Variants in MEIKIN observed in about 807,000 individuals in gnomAD.
The protein encoded by MEIKIN is meiosis-specific kinetochore protein.
chr5:131,813,855 G>C (rs1773050747), intron 12 of MEIKIN, among the ~76,000 whole-genome samples: 1 of 152,122 alleles, frequency 6.6e-6, no homozygotes, highest in Non-Finnish European at 1.5e-5. Flanking sequence ...ATAAAAGGGA[G>C]TTTATTAAGG....
chr5:131,927,672 A>G (rs1751609876), intron 5 of MEIKIN, among the ~76,000 whole-genome samples: 1 of 152,178 alleles, frequency 6.6e-6, no homozygotes, highest in African/African-American at 2.4e-5. Flanking sequence ...ATAACTGTAT[A>G]TCTTCCTGGT....
chr5:131,858,935 C>G (rs1400949802), intron 9 of MEIKIN, among the ~76,000 whole-genome samples: 1 of 152,112 alleles, frequency 6.6e-6, no homozygotes, highest in Non-Finnish European at 1.5e-5. Flanking sequence ...TAGATGCTAG[C>G]AAGATTGTGG....
At chr5:131,875,109 C>T (rs1316130266) in intron 9 of MEIKIN, among the ~76,000 whole-genome samples, 1 of 152,196 alleles carries the variant, frequency 6.6e-6, no homozygotes, top group South Asian at 2.1e-4. Context: ...TCTCTTACCA[C>T]TCCGATTCAA....
intron 12 of MEIKIN, among the ~76,000 whole-genome samples, chr5:131,810,166 A>G (rs1285806861): frequency 6.6e-6 from 1 of 152,164 alleles, no homozygotes; most frequent in Non-Finnish European, 1.5e-5. Context: ...CATTTGTCAT[A>G]TATCTGTGTG....
intron 8 of MEIKIN, among the ~76,000 whole-genome samples, chr5:131,905,108 A>T (rs781300401): frequency 1.3e-5 from 2 of 152,202 alleles, no homozygotes; most frequent in Admixed American, 6.5e-5. Flanking sequence ...CTGCACATGT[A>T]TCCCAGAACT....
At chr5:131,922,313 A>C (rs1286704910) in intron 5 of MEIKIN, among the ~76,000 whole-genome samples, 1 of 152,172 alleles carries the variant, frequency 6.6e-6, no homozygotes, top group Non-Finnish European at 1.5e-5. Context: ...ACATTTGTGG[A>C]TTCAACCAAC....
At chr5:131,893,808 T>G (rs1445374772) in intron 8 of MEIKIN, among the ~76,000 whole-genome samples, 1 of 152,178 alleles carries the variant, frequency 6.6e-6, no homozygotes, top group Non-Finnish European at 1.5e-5. Flanking sequence ...GTGCAAAAAT[T>G]TTCTCCCATT....
At chr5:131,879,768 C>T (rs1457604678) in intron 8 of MEIKIN, among the ~76,000 whole-genome samples, 2 of 152,206 alleles carry the variant, frequency 1.3e-5, no homozygotes, top group Non-Finnish European at 2.9e-5. Context: ...CAGGCTGGAA[C>T]ATTTCTAACC....
At chr5:131,918,078 A>C (rs958206760) in intron 6 of MEIKIN, among the ~76,000 whole-genome samples, 3 of 152,154 alleles carry the variant, frequency 2.0e-5, no homozygotes, top group African/African-American at 7.2e-5. Flanking sequence ...TTCAGTTCAA[A>C]TTGTTGGGAA....
intron 11 of MEIKIN, among the ~76,000 whole-genome samples, chr5:131,831,652 GTA>G (rs1749716829): frequency 6.6e-6 from 1 of 152,136 alleles, no homozygotes; most frequent in African/African-American, 2.4e-5. Context: ...GATTGTAACT[GTA>G]TTAGTCTGTT....
At chr5:131,818,707 CA>C (rs1367724189) in intron 12 of MEIKIN, 32 bp downstream of exon 12, 1 of 395,806 alleles carries the variant, frequency 2.5e-6, no homozygotes, top group Non-Finnish European at 4.5e-6. Flanking sequence ...TTATATCATC[CA>C]AAAAGTATGC....
chr5:131,846,005 C>G (rs897985114), intron 11 of MEIKIN, among the ~76,000 whole-genome samples: 2 of 152,106 alleles, frequency 1.3e-5, no homozygotes, highest in Non-Finnish European at 2.9e-5. Flanking sequence ...GAAAGAAAGA[C>G]AAAGAATCCT....
chr5:131,932,975 T>C (rs1323326425), intron 5 of MEIKIN, among the ~76,000 whole-genome samples: 1 of 152,224 alleles, frequency 6.6e-6, no homozygotes, highest in African/African-American at 2.4e-5. Flanking sequence ...ACTTTCTTTT[T>C]TTCAATTATC....
At chr5:131,857,384 T>C (rs965287131) in intron 9 of MEIKIN, among the ~76,000 whole-genome samples, 5 of 152,168 alleles carry the variant, frequency 3.3e-5, no homozygotes, top group Non-Finnish European at 7.4e-5. Flanking sequence ...TGGCCAGGGA[T>C]GCCCATCCTC....
At chr5:131,826,551 T>C (rs1294131926) in intron 11 of MEIKIN, among the ~76,000 whole-genome samples, 1 of 152,232 alleles carries the variant, frequency 6.6e-6, no homozygotes. Context: ...GTAGCCATGA[T>C]TGATAGAGTT....
chr5:131,913,969 G>A (rs537235942), intron 7 of MEIKIN, among the ~76,000 whole-genome samples: 10 of 152,300 alleles, frequency 6.6e-5, no homozygotes, highest in African/African-American at 2.4e-4. Context: ...AGAGGTGACT[G>A]GATCATGAGG....
intron 10 of MEIKIN, among the ~76,000 whole-genome samples, chr5:131,853,794 G>C (rs1283291465): frequency 6.6e-6 from 1 of 152,050 alleles, no homozygotes; most frequent in Non-Finnish European, 1.5e-5. Context: ...ACCATAATGA[G>C]ATACCACCTC....
rs1751514758 is a variant in MEIKIN at position 131,922,088 on chromosome 5, C to G, written c.479-147G>C. The G allele has an allele frequency of 1.3e-5, 5 of 391,374 alleles. No homozygotes were observed. The South Asian group carries it at 7.2e-4, about 56-fold the overall frequency. The allele number at this position is 391,374 out of a possible 1,614,324, so 24.2% of individuals were successfully genotyped here. A position where few individuals can be genotyped will look rare whatever the true frequency, so the allele number is the denominator to read the frequency against. On this transcript the variant is annotated intron_variant, in intron 5 of 12. Coordinates refer to ENST00000442687, the MANE Select transcript of MEIKIN (RefSeq NM_001303622.2). ...TTGGATGAGACAGAAAAAAATAAGCCTTGATGGATCAATATAGTAAATAAT... is the reference window on the plus strand; with the variant it reads ...TTGGATGAGACAGAAAAAAATAAGCGTTGATGGATCAATATAGTAAATAAT...
chr5:131,883,653 C>A (rs1465554659), intron 8 of MEIKIN, among the ~76,000 whole-genome samples: 1 of 152,208 alleles, frequency 6.6e-6, no homozygotes, highest in Non-Finnish European at 1.5e-5. Context: ...GCAAGGACAC[C>A]AATTTAACAA....
Sources: allele counts gnomAD v4.1 joint callset (sites outside exome capture counted in the v4.1 genomes callset), GRCh38; gene constraint gnomAD v4.1.1; transcripts MANE v1.5; gene names NCBI Gene and HGNC (gene_info 2026-07-23, HGNC 2026-07-21).